TBC1D32: variants seen among roughly 807,000 people sequenced by gnomAD.
The protein encoded by TBC1D32 is TBC1 domain family member 32.
Under a neutral mutation model 170.3 loss-of-function variants are expected in TBC1D32, and 151 were observed. The observed-to-expected ratio is 0.89, with a 90% CI of 0.78 to 1.01. The LOEUF (loss-of-function observed/expected upper bound fraction) is 1.01. Ranked by LOEUF, TBC1D32 falls within the 50% of genes least tolerant of loss-of-function variation. The pLI, the probability that TBC1D32 is intolerant of heterozygous loss-of-function variation, is 0.00. For missense variants in TBC1D32, 1,464 were observed against 1,457.1 expected, an observed-to-expected ratio of 1.00 and a Z score of -0.08; for synonymous variants, 498 against 488.0, an observed-to-expected ratio of 1.02 and a Z score of -0.27.
At chr6:121,153,578 T>C (rs1418261309) in intron 24 of TBC1D32, among the ~76,000 whole-genome samples, 1 of 152,128 alleles carries the variant, frequency 6.6e-6, no homozygotes, top group East Asian at 1.9e-4. Context: ...TTAAGTCTGC[T>C]GTAGCTGCAC....
rs562060678 is a variant in TBC1D32 at position 121,159,909 on chromosome 6, T to C, written c.2773+101A>G. The C allele has an allele frequency of 3.1e-4, 245 of 785,198 alleles. 1 individual carries two copies. In the African/African-American group the frequency reaches 4.0e-3, roughly 13 times the overall value. 48.6% of individuals were successfully genotyped at this position (785,198 alleles called of 1,614,324 possible). A position where few individuals can be genotyped will look rare whatever the true frequency, so the allele number is the denominator to read the frequency against. ...AGGCATAAATGCACACATGTATACATGCTAAATGCAGTCAATATTCATCTT... is the reference window on the plus strand; with the variant it reads ...AGGCATAAATGCACACATGTATACACGCTAAATGCAGTCAATATTCATCTT... On this transcript the variant is annotated intron_variant, in intron 24 of 31. Transcript: ENST00000398212.
chr6:121,288,532 G>T (rs1195853776), intron 12 of TBC1D32, among the ~76,000 whole-genome samples: 1 of 152,084 alleles, frequency 6.6e-6, no homozygotes, highest in Non-Finnish European at 1.5e-5. Context: ...ACCAAAAAAA[G>T]TCCAGGACCA....
intron 22 of TBC1D32, among the ~76,000 whole-genome samples, chr6:121,168,712 T>TAATAA (rs748287642): frequency 5.3e-5 from 5 of 93,902 alleles, no homozygotes; most frequent in South Asian, 4.7e-4. Flanking sequence ...TAGAGTATAA[T>TAATAA]AAAAAAAAAA....
chr6:121,231,861 TG>T (rs1795781980), intron 20 of TBC1D32, among the ~76,000 whole-genome samples: 1 of 152,212 alleles, frequency 6.6e-6, no homozygotes. Context: ...TCTCCCACTC[TG>T]TGGGTTGTCT....
At chr6:121,138,989 C>A (rs1782462984) in intron 24 of TBC1D32, among the ~76,000 whole-genome samples, 1 of 152,022 alleles carries the variant, frequency 6.6e-6, no homozygotes, top group South Asian at 2.1e-4. Context: ...GGACTACAGG[C>A]ACCCGCCACC....
intron 15 of TBC1D32, among the ~76,000 whole-genome samples, chr6:121,265,686 C>T (rs1313045350): frequency 6.6e-6 from 1 of 151,922 alleles, no homozygotes; most frequent in East Asian, 1.9e-4. Flanking sequence ...TACTAAAAGA[C>T]TACAGTAACC....
intron 15 of TBC1D32, among the ~76,000 whole-genome samples, chr6:121,262,889 T>A (rs1799955069): frequency 6.6e-6 from 1 of 152,040 alleles, no homozygotes; most frequent in Non-Finnish European, 1.5e-5. Flanking sequence ...AGGGAGTTCA[T>A]CACCACCAGG....
intron 21 of TBC1D32, among the ~76,000 whole-genome samples, chr6:121,219,338 TATA>T (rs1389716998): frequency 6.6e-6 from 1 of 152,196 alleles, no homozygotes; most frequent in Non-Finnish European, 1.5e-5. Context: ...AGGGTTAAAA[TATA>T]ATGCCTTTGG....
chr6:121,304,111 TAAA>T (rs36058595), intron 8 of TBC1D32, among the ~76,000 whole-genome samples: 121 of 145,854 alleles, frequency 8.3e-4, no homozygotes, highest in Admixed American at 1.7e-3. Flanking sequence ...ACTGATACAT[TAAA>T]AAAAAAAAAA....
In TBC1D32 at chr6:121,328,420, CG is replaced by C. The variant is rs1270883299; in HGVS notation, c.155+5855del. Among the ~76,000 whole-genome samples, 5 of 151,780 alleles carry C rather than the reference CG, an allele frequency of 3.3e-5. No individual in the cohort carries two copies. In the East Asian group the frequency reaches 9.7e-4, roughly 30 times the overall value. ...CCTGCCTCAGCCTACCGAGTAGCGA[CG>C]ACTACAGATGCCCGCCACCACACCT... On this transcript the variant is annotated intron_variant, in intron 1 of 31. Transcript: ENST00000398212.
At chr6:121,177,246 C>G (rs973564781) in intron 22 of TBC1D32, among the ~76,000 whole-genome samples, 30 of 152,094 alleles carry the variant, frequency 2.0e-4, no homozygotes, top group Non-Finnish European at 7.4e-5. Context: ...TGGTTTAGCA[C>G]CATCCCCTTG....
intron 30 of TBC1D32, among the ~76,000 whole-genome samples, chr6:121,101,069 G>A (rs1481742385): frequency 3.3e-5 from 5 of 151,614 alleles, no homozygotes; most frequent in African/African-American, 9.7e-5. Flanking sequence ...GACCAATAAC[G>A]GGCTCTGAAA....
chr6:121,084,641 GAA>G (rs1221711374), intron 31 of TBC1D32, among the ~76,000 whole-genome samples: 5 of 152,084 alleles, frequency 3.3e-5, no homozygotes, highest in Non-Finnish European at 5.9e-5. Context: ...CCAATACCTT[GAA>G]AAGTTATTTG....
chr6:121,302,711 CAAG>C (rs1455394616), intron 9 of TBC1D32, among the ~76,000 whole-genome samples: 2 of 151,652 alleles, frequency 1.3e-5, no homozygotes, highest in Non-Finnish European at 1.5e-5. Context: ...ATTTGATAAT[CAAG>C]AAAAAAATTT....
At chr6:121,235,446 G>C (rs935152985) in intron 20 of TBC1D32, among the ~76,000 whole-genome samples, 3 of 152,144 alleles carry the variant, frequency 2.0e-5, no homozygotes, top group Admixed American at 1.3e-4. Flanking sequence ...GGATGGGTGA[G>C]TGGTTCCCAG....
intron 23 of TBC1D32, 81 bp downstream of exon 23, chr6:121,160,867 T>G (rs1427975170): frequency 9.5e-7 from 1 of 1,047,212 alleles, no homozygotes; most frequent in Non-Finnish European, 1.5e-6. Flanking sequence ...AGAGGTAAAG[T>G]TTAGGGTGAC....
intron 11 of TBC1D32, among the ~76,000 whole-genome samples, chr6:121,293,873 T>C (rs566184876): frequency 6.6e-6 from 1 of 152,122 alleles, no homozygotes; most frequent in South Asian, 2.1e-4. Context: ...ATCATGCCAC[T>C]GCATTCCAGC....
intron 3 of TBC1D32, among the ~76,000 whole-genome samples, chr6:121,311,725 C>CAAA (rs34442665): frequency 1.7e-5 from 2 of 114,524 alleles, no homozygotes; most frequent in Non-Finnish European, 2.0e-5. Flanking sequence ...GACTCCACCT[C>CAAA]AAAAAAAAAA....
At chr6:121,309,661 A>G (rs1807869875) in intron 4 of TBC1D32, among the ~76,000 whole-genome samples, 1 of 152,336 alleles carries the variant, frequency 6.6e-6, no homozygotes, top group African/African-American at 2.4e-5. Context: ...TTCAAATGAA[A>G]TAATTCTTCA....
Sources: gnomAD v4.1 joint callset for allele counts (sites outside exome capture counted in the v4.1 genomes callset) on GRCh38, gnomAD v4.1.1 for gene constraint, MANE v1.5 for transcripts, NCBI Gene and HGNC (gene_info 2026-07-23, HGNC 2026-07-21) for gene names.